Variants in RPAP3 observed in about 807,000 individuals in gnomAD.
RPAP3 encodes the protein RNA polymerase II-associated protein 3.
RPAP3 carries 58 observed loss-of-function variants against 88.8 expected under a neutral mutation model. The ratio of observed to expected loss-of-function variants is 0.65; its 90% CI spans 0.53 to 0.81. RPAP3 has a LOEUF of 0.81. RPAP3 is among the 40% of genes least tolerant of loss of function. The pLI is 0.00. For missense variants in RPAP3, 751 were observed against 764.3 expected (o/e 0.98, Z 0.20); for synonymous variants, 255 against 259.9 (o/e 0.98, Z 0.18).
intron 12 of RPAP3, among the ~76,000 whole-genome samples, chr12:47,671,189 T>G (rs1938989460): frequency 6.6e-6 from 1 of 152,162 alleles, no homozygotes; most frequent in Non-Finnish European, 1.5e-5. Flanking sequence ...CTTCACTATA[T>G]CATCATACCA....
chr12:47,686,012 C>T (rs1327120788), intron 9 of RPAP3, among the ~76,000 whole-genome samples: 2 of 152,130 alleles, frequency 1.3e-5, no homozygotes, highest in African/African-American at 2.4e-5. Context: ...CCTAGTTGTA[C>T]AGTTAAGCAT....
chr12:47,700,095 G>A (rs1329399366), intron 3 of RPAP3: 2 of 150,034 alleles, frequency 1.3e-5, no homozygotes, highest in East Asian at 3.9e-4. Flanking sequence ...CCGGGTTCAA[G>A]CCATTCTCGT....
In RPAP3 at chr12:47,697,600, T is replaced by C. The variant is rs747819495; in HGVS notation, c.414A>G (p.Glu138=). The change falls in exon 4 of 17, where the codon GAA becomes GAG. Residue 138 remains glutamate, a synonymous_variant. Transcript: ENST00000005386. ...VDSQKALVLK[E]KGNKYFKQGK... ...ACAAAACCTAACTAATTAGTACCTT[T>C]TCTTTTAAAACAAGAGCCTTTTGTG... 1.0e-5 allele frequency: 16 copies of C among 1,596,346 alleles called. No homozygotes were observed. Among genetic ancestry groups the C allele is most frequent in the Non-Finnish European group, 1.4e-5 (16 of 1,175,366 alleles).
At chr12:47,691,510 T>A (rs1324569273) in intron 5 of RPAP3, among the ~76,000 whole-genome samples, 8 of 152,218 alleles carry the variant, frequency 5.3e-5, no homozygotes, top group Non-Finnish European at 1.0e-4. Flanking sequence ...CTTTCCAGGT[T>A]TCAATCTACT....
At chr12:47,673,722 G>A (rs1939048214) in intron 12 of RPAP3, among the ~76,000 whole-genome samples, 1 of 151,912 alleles carries the variant, frequency 6.6e-6, no homozygotes, top group African/African-American at 2.4e-5. Context: ...TACATAGAGA[G>A]GTTTTTTAGG....
chr12:47,691,962 G>T (rs1410690569), intron 5 of RPAP3, among the ~76,000 whole-genome samples: 1 of 152,106 alleles, frequency 6.6e-6, no homozygotes, highest in Non-Finnish European at 1.5e-5. Context: ...TGCCAGGATG[G>T]TCTCGATCTC....
chr12:47,704,726 C>A (rs922148013), intron 1 of RPAP3, among the ~76,000 whole-genome samples: 1 of 151,670 alleles, frequency 6.6e-6, no homozygotes, highest in African/African-American at 2.4e-5. Flanking sequence ...GAAGGCCAAC[C>A]GCAGGTGGCT....
In RPAP3 at chr12:47,670,362, C is replaced by T. The variant is rs924157202; in HGVS notation, c.1288-17G>A. ...GAGTGGTTTCTAAAACAATTAAAAT[C>T]AATTCCTTAAATCAAAATATTAAAG... On this transcript the variant is annotated splice_polypyrimidine_tract_variant and intron_variant, in intron 12 of 16. Transcript: ENST00000005386. 7 of 1,412,618 alleles carry T rather than the reference C, an allele frequency of 5.0e-6. No individual in the cohort carries two copies. In the East Asian group the frequency reaches 1.6e-4, roughly 32 times the overall value. 87.5% of individuals were successfully genotyped at this position (1,412,618 alleles called of 1,614,324 possible). A position where few individuals can be genotyped will look rare whatever the true frequency, so the allele number is the denominator to read the frequency against.
At chr12:47,684,883 T>G (rs950820959) in intron 9 of RPAP3, among the ~76,000 whole-genome samples, 2 of 152,210 alleles carry the variant, frequency 1.3e-5, no homozygotes, top group African/African-American at 4.8e-5. Context: ...TCCAGTGATA[T>G]CTATTACTTT....
Position 47,686,852 on chromosome 12 carries a change from C to T in RPAP3, c.920G>A (p.Arg307Gln), listed in dbSNP as rs189398208. ...KYERAIECYTRGIAADGANAL... is the reference protein window; with the variant it reads ...KYERAIECYTQGIAADGANAL... ...ATTAGCACCATCTGCTGCTATCCCT[C>T]GAGTATAGCATTCAATTGCTCTTTC... Residue 307 changes from arginine to glutamine, a missense_variant, in exon 9 of 17, where the codon CGA becomes CAA. Physicochemically the swap from Arg to Gln is conservative, Grantham distance 43. Coordinates refer to ENST00000005386, the MANE Select transcript of RPAP3 (RefSeq NM_024604.3). 3.1e-6 allele frequency: 5 copies of T among 1,595,444 alleles called. No homozygotes were observed. The highest frequency in any genetic ancestry group is 4.3e-6 in the Non-Finnish European group (5 of 1,165,456).
chr12:47,680,852 AAATC>A (rs1939208736), intron 10 of RPAP3, among the ~76,000 whole-genome samples: 1 of 151,890 alleles, frequency 6.6e-6, no homozygotes, highest in Non-Finnish European at 1.5e-5. Flanking sequence ...TAAAAAAAAA[AAATC>A]AATCACTAAC....
At chr12:47,698,117 A>C (rs896251446) in intron 3 of RPAP3, among the ~76,000 whole-genome samples, 1 of 152,114 alleles carries the variant, frequency 6.6e-6, no homozygotes, top group Non-Finnish European at 1.5e-5. Context: ...AAAACAAAAA[A>C]CTGCTATTTT....
chr12:47,686,386 A>G (rs1939320329), intron 9 of RPAP3, among the ~76,000 whole-genome samples: 1 of 152,220 alleles, frequency 6.6e-6, no homozygotes, highest in Non-Finnish European at 1.5e-5. Flanking sequence ...ATTTTTAATC[A>G]AGATCCAGAA....
intron 6 of RPAP3, among the ~76,000 whole-genome samples, chr12:47,690,069 C>T (rs184899091): frequency 6.6e-6 from 1 of 150,924 alleles, no homozygotes; most frequent in Non-Finnish European, 1.5e-5. Context: ...AAAAAAAAAC[C>T]TAAGCAGCAG....
intron 3 of RPAP3, 57 bp from the exon 4 acceptor site, chr12:47,697,776 A>C (rs1939564651): frequency 2.7e-6 from 4 of 1,458,010 alleles, no homozygotes; most frequent in Non-Finnish European, 3.7e-6. Flanking sequence ...AAAAAAAAGA[A>C]AAAAAGACAT....
At chr12:47,680,287 G>C (rs1368590900) in intron 10 of RPAP3, among the ~76,000 whole-genome samples, 2 of 152,138 alleles carry the variant, frequency 1.3e-5, no homozygotes. Flanking sequence ...GAGGTTACTA[G>C]GGCTGGGAGG....
At chr12:47,665,612 T>C (rs576982301) in intron 16 of RPAP3, among the ~76,000 whole-genome samples, 2 of 149,854 alleles carry the variant, frequency 1.3e-5, no homozygotes, top group South Asian at 2.1e-4. Context: ...AATATACATA[T>C]ATATATTTTA....
At position 47,667,014 on chromosome 12, in the gene RPAP3, C is replaced by T. The variant is rs201840394; in HGVS notation, c.1878G>A (p.Met626Ile). The T allele has an allele frequency of 2.5e-4, 393 of 1,544,372 alleles. 2 individuals are homozygous for T. The highest frequency in any genetic ancestry group is 2.0e-5 in the Non-Finnish European group (23 of 1,153,752). The stretch of plus-strand genomic sequence containing the variant: ...CTGTTTCTGACATAAACATCACTGC[C>T]ATATCAAACCTTTTTAGTTCAGAAA... The part of the protein sequence containing the change: ...QRLSELKRFD[M>I]AVMFMSETEK... Residue 626 changes from methionine (M) to isoleucine (I), a missense_variant, in exon 16 of 17, where the codon ATG becomes ATA. Physicochemically the swap from Met to Ile is conservative, Grantham distance 10. Coordinates refer to ENST00000005386, the MANE Select transcript of RPAP3 (RefSeq NM_024604.3).
Position 47,702,793 on chromosome 12 carries a change from T to C in RPAP3, c.48A>G (p.Gln16=). ...KAIELQLQVK[Q]NAEELQDFMR... ...TAAAGTCTTGTAATTCTTCTGCATT[T>C]TGTTTCACTTGTAGTTGTAATTCGA... The change falls in exon 2 of 17, where the codon CAA becomes CAG. Residue 16 remains glutamine, a synonymous_variant. Transcript: ENST00000005386. 6.2e-7 allele frequency: 1 copy of C among 1,613,500 alleles called. No homozygotes were observed. The highest frequency in any genetic ancestry group is 8.5e-7 in the Non-Finnish European group (1 of 1,179,706).
Sources: allele counts gnomAD v4.1 joint callset (sites outside exome capture counted in the v4.1 genomes callset), GRCh38; gene constraint gnomAD v4.1.1; transcripts MANE v1.5; gene names NCBI Gene and HGNC (gene_info 2026-07-23, HGNC 2026-07-21).